The following KLF12 variants were observed in gnomAD, a reference collection of about 807,000 sequenced individuals.
KLF12 encodes the protein KLF transcription factor 12, also known as Krueppel-like factor 12.
KLF12 carries 9 observed loss-of-function variants against 37.8 expected under a neutral mutation model. That is an observed-to-expected ratio of 0.24 (90% CI 0.14 to 0.42). The LOEUF is 0.42. KLF12 is among the 10% of genes least tolerant of loss of function. The probability of loss-of-function intolerance (pLI) is 1.00; values close to 1 mark genes in which losing one functional copy is unlikely to be tolerated. For missense variants in KLF12, 411 were observed against 516.0 expected (o/e 0.80, Z 1.97); for synonymous variants, 208 against 202.1 (o/e 1.03, Z -0.25).
chr13:73,805,317 G>T (rs1882503510), intron 5 of KLF12, among the ~76,000 whole-genome samples: 1 of 151,938 alleles, frequency 6.6e-6, no homozygotes, highest in Admixed American at 6.6e-5. Flanking sequence ...TGGATTTGAA[G>T]ATTAGAAGTT....
chr13:74,005,190 A>C (rs1339991772), intron 1 of KLF12, among the ~76,000 whole-genome samples: 1 of 152,148 alleles, frequency 6.6e-6, no homozygotes, highest in Non-Finnish European at 1.5e-5. Context: ...CATAATATTA[A>C]ACAATCTCAA....
At chr13:74,233,322 G>C in the KLF12 span, among the ~76,000 whole-genome samples, 1 of 152,116 alleles carries the variant, frequency 6.6e-6, no homozygotes, top group Admixed American at 6.5e-5. Context: ...TGGTCCAGCA[G>C]CCCTGACCTG....
the KLF12 span, among the ~76,000 whole-genome samples, chr13:74,275,846 CT>C: frequency 7.7e-4 from 88 of 114,380 alleles, 2 homozygotes; most frequent in Admixed American, 1.5e-3. Flanking sequence ...TTCTTTCTTT[CT>C]TTCTTTCTTT....
intron 5 of KLF12, among the ~76,000 whole-genome samples, chr13:73,789,570 G>A (rs1015453276): frequency 1.3e-5 from 2 of 152,008 alleles, no homozygotes; most frequent in Admixed American, 6.6e-5. Context: ...TTCTTGCCAC[G>A]CAGGGACTAA....
intron 6 of KLF12, among the ~76,000 whole-genome samples, chr13:73,763,844 C>T (rs964449581): frequency 6.6e-6 from 1 of 152,092 alleles, no homozygotes; most frequent in African/African-American, 2.4e-5. Context: ...GGAAGGATGC[C>T]CCGGCTCTGA....
At chr13:73,973,803 T>C (rs911914634) in intron 2 of KLF12, among the ~76,000 whole-genome samples, 2 of 152,072 alleles carry the variant, frequency 1.3e-5, no homozygotes, top group African/African-American at 2.4e-5. Flanking sequence ...TCCTAACATT[T>C]ACACAGCTTA....
intron 5 of KLF12, among the ~76,000 whole-genome samples, chr13:73,804,234 A>G (rs1237170630): frequency 1.3e-5 from 2 of 152,104 alleles, no homozygotes; most frequent in Non-Finnish European, 2.9e-5. Context: ...TTTTTATCCC[A>G]TTAGACTTTA....
chr13:74,095,300 C>A (rs997009049), intron 1 of KLF12, among the ~76,000 whole-genome samples: 1 of 152,134 alleles, frequency 6.6e-6, no homozygotes, highest in Non-Finnish European at 1.5e-5. Flanking sequence ...TTCAGTGAAA[C>A]CTCATCTTTT....
chr13:73,991,652 C>G (rs1221252734), intron 2 of KLF12, among the ~76,000 whole-genome samples: 2 of 152,182 alleles, frequency 1.3e-5, no homozygotes, highest in Non-Finnish European at 2.9e-5. Flanking sequence ...ATCAAACAGA[C>G]AGATAATTGC....
chr13:74,051,619 T>A (rs1872931383), intron 1 of KLF12, among the ~76,000 whole-genome samples: 1 of 151,668 alleles, frequency 6.6e-6, no homozygotes, highest in Non-Finnish European at 1.5e-5. Context: ...ACCATGTACA[T>A]CAGATGATCA....
chr13:74,084,226 G>A (rs1337591718), intron 1 of KLF12, among the ~76,000 whole-genome samples: 2 of 152,178 alleles, frequency 1.3e-5, no homozygotes, highest in East Asian at 3.9e-4. Context: ...TTAAATAAGA[G>A]AATTGAATCA....
chr13:74,064,681 T>C (rs1266878011), intron 1 of KLF12, among the ~76,000 whole-genome samples: 2 of 152,154 alleles, frequency 1.3e-5, no homozygotes, highest in African/African-American at 4.8e-5. Context: ...TAAATGTCAT[T>C]ACAGACACAA....
At chr13:74,050,793 G>T (rs768622083) in intron 1 of KLF12, among the ~76,000 whole-genome samples, 20 of 152,286 alleles carry the variant, frequency 1.3e-4, no homozygotes, top group Non-Finnish European at 2.6e-4. Flanking sequence ...CCTACAGAAT[G>T]AGAGATAATA....
In KLF12 at chr13:74,077,520, TCA is replaced by T. The variant is rs563145442; in HGVS notation, c.-32+56217_-32+56218del. Among the ~76,000 whole-genome samples, 41 of 152,236 alleles carry T rather than the reference TCA, an allele frequency of 2.7e-4. No individual in the cohort carries two copies. In the East Asian group the frequency reaches 5.2e-3, roughly 19 times the overall value. On this transcript the variant is annotated intron_variant, in intron 1 of 7. Transcript: ENST00000377669. ...AAATGTGATTAAGTTAGTGAATCAC[TCA>T]GAGTGATGCACCGAAAATGAAGCAG...
intron 1 of KLF12, among the ~76,000 whole-genome samples, chr13:74,087,506 C>T (rs1197061034): frequency 1.3e-5 from 2 of 152,192 alleles, no homozygotes; most frequent in African/African-American, 4.8e-5. Context: ...AGGGGCTCAA[C>T]GTCTGCTGAA....
intron 2 of KLF12, among the ~76,000 whole-genome samples, chr13:73,969,331 T>A (rs922400805): frequency 1.3e-5 from 2 of 152,210 alleles, no homozygotes; most frequent in Admixed American, 6.5e-5. Flanking sequence ...CTGGGTGTTA[T>A]CTACAATCCC....
chr13:73,796,146 C>T (rs1227907401), intron 5 of KLF12, among the ~76,000 whole-genome samples: 3 of 152,102 alleles, frequency 2.0e-5, no homozygotes, highest in African/African-American at 7.2e-5. Flanking sequence ...CTAAAATTTT[C>T]TCTTCATTCC....
chr13:74,209,088 C>T, the KLF12 span, among the ~76,000 whole-genome samples: 1 of 151,850 alleles, frequency 6.6e-6, no homozygotes, highest in Non-Finnish European at 1.5e-5. Context: ...AAAAAAGTCT[C>T]GACACTTGAA....
At chr13:74,254,833 C>T in the KLF12 span, among the ~76,000 whole-genome samples, 6 of 151,866 alleles carry the variant, frequency 4.0e-5, no homozygotes, top group African/African-American at 1.5e-4. Context: ...GTTGTTTGTC[C>T]CTTAGTTATT....
Sources: allele counts gnomAD v4.1 joint callset (sites outside exome capture counted in the v4.1 genomes callset), GRCh38; gene constraint gnomAD v4.1.1; transcripts MANE v1.5; gene names NCBI Gene and HGNC (gene_info 2026-07-23, HGNC 2026-07-21).